FAM83H: variants seen among roughly 807,000 people sequenced by gnomAD.
FAM83H encodes the protein scaffolding CK1 anchoring protein H.
A neutral mutation model predicts 30.2 loss-of-function variants in FAM83H; 24 were observed. That is an observed-to-expected ratio of 0.79 (90% CI 0.57 to 1.12). The LOEUF is 1.12. Ranked by LOEUF, FAM83H falls within the 50% of genes most tolerant of loss-of-function variation. The probability of loss-of-function intolerance (pLI) is 0.00; values close to 1 mark genes in which losing one functional copy is unlikely to be tolerated. For synonymous variants in FAM83H, 1,013 were observed against 821.7 expected (o/e 1.23, Z -3.98); for missense variants, 2,038 against 1,773.9 (o/e 1.15, Z -2.67).
At position 143,726,373 on chromosome 8, in the gene FAM83H, C is replaced by T. The variant is rs1818292576; in HGVS notation, c.3088G>A (p.Ala1030Thr). The change falls in exon 5 of 5, where the codon GCC (alanine) becomes ACC (threonine). Residue 1030 changes from alanine (A) to threonine (T), a missense_variant. Ala to Thr is a moderately conservative substitution (Grantham distance 58, BLOSUM62 0). Coordinates refer to ENST00000388913, the MANE Select transcript of FAM83H (RefSeq NM_198488.5). ...RARLSSATAN[A>T]LYSSNLRDDT... ...TCCCGAAGGTTGCTGCTGTACAAGG[C>T]GTTGGCCGTGGCTGAGGACAGGCGC... is the stretch of plus-strand genomic sequence containing the variant. The T allele has an allele frequency of 1.2e-6, 2 of 1,610,790 alleles. No homozygotes were observed. The highest frequency in any genetic ancestry group is 1.1e-5 in the South Asian group (1 of 90,820).
chr8:143,730,490 C>T lies in FAM83H; in HGVS notation c.93G>A (p.Ala31=), dbSNP rs367753294. 79 of 1,607,150 alleles carry T rather than the reference C, an allele frequency of 4.9e-5. No homozygotes were observed. Among genetic ancestry groups the T allele is most frequent in the African/African-American group, 1.9e-4 (14 of 74,998 alleles). The change falls in exon 2 of 5, where the codon GCG becomes GCA. Residue 31 remains alanine, a synonymous_variant. Coordinates refer to ENST00000388913, the MANE Select transcript of FAM83H (RefSeq NM_198488.5). ...PPHYKEYYRL[A]VDALAEGGSE... ...AGCCACCCTCGGCCAGTGCATCCAC[C>T]GCCAGGCGGTAGTACTCTTTGTAGT...
At position 143,727,279 on chromosome 8, in the gene FAM83H, AGC is replaced by A; in HGVS notation, c.2180_2181del (p.Arg727LeufsTer20). 1 of 1,535,894 alleles carries A rather than the reference AGC, an allele frequency of 6.5e-7. No homozygotes were observed. Among genetic ancestry groups the A allele is most frequent in the Non-Finnish European group, 8.7e-7 (1 of 1,146,862 alleles). On this transcript the variant is annotated frameshift_variant, in exon 5 of 5. Transcript: ENST00000388913. LOFTEE classifies it low-confidence loss of function (END_TRUNC). ...TCCGCCACCTTGGTGGAAGCCGCGG[AGC>A]GCACGGCCTCTCCGCCGGGCCCCAG... ...ETLGPGGEAVRSAASTKVAEL... is the reference protein window; with the variant it reads ...ETLGPGGEAVXSAASTKVAEL...
chr8:143,726,038 C>T lies in FAM83H; in HGVS notation c.3423G>A (p.Lys1141=), dbSNP rs1554621528. The T allele has an allele frequency of 6.2e-7, 1 of 1,612,754 alleles. No homozygotes were observed. Among genetic ancestry groups the T allele is most frequent in the Admixed American group, 1.7e-5 (1 of 59,992 alleles). The change falls in exon 5 of 5, where the codon AAG becomes AAA. Residue 1141 remains lysine (K), a synonymous_variant. Transcript: ENST00000388913. The stretch of plus-strand genomic sequence containing the variant: ...CCCCAGGGCTGCTGGCCTCCTCTTT[C>T]TTGCAGAAGACCTCGAAGCGGCTGT... ...RVYSRFEVFC[K]KEEASSPGAG...
chr8:143,725,621 G>A lies in FAM83H; in HGVS notation c.*300C>T, dbSNP rs1034545157. On this transcript the variant is annotated 3_prime_UTR_variant, in exon 5 of 5. Transcript: ENST00000388913. ...GGGGGGGACTGAGGCACAAAGAGAT[G>A]GCGGAGCCAGACGCTGCGCCACGCA... 1.1e-5 allele frequency: 6 copies of A among 544,228 alleles called. No individual in the cohort carries two copies. The highest frequency in any genetic ancestry group is 1.6e-5 in the Non-Finnish European group (5 of 303,914). The allele number at this position is 544,228 out of a possible 1,614,324, so 33.7% of individuals were successfully genotyped here.
chr8:143,728,920 C>G, intron 4 of FAM83H, 47 bp downstream of exon 4: 1 of 1,612,492 alleles, frequency 6.2e-7, no homozygotes, highest in Non-Finnish European at 8.5e-7. Flanking sequence ...GCTGGGGTTA[C>G]AGGAGGAGGC....
chr8:143,727,940 C>T lies in FAM83H; in HGVS notation c.1521G>A (p.Arg507=), dbSNP rs1554622985. Residue 507 remains arginine (R), a synonymous_variant, in exon 5 of 5, where the codon CGG becomes CGA. Transcript: ENST00000388913. The stretch of plus-strand genomic sequence containing the variant: ...ACGCGCTGGACGGCACGTAGTCCAG[C>T]CGCTGGTGCCCGTCGGGTCCGAGCT... The part of the protein sequence containing the change: ...FPELGPDGHQ[R]LDYVPSSASR... The T allele has an allele frequency of 3.2e-6, 5 of 1,544,264 alleles. No individual in the cohort carries two copies. Among genetic ancestry groups the T allele is most frequent in the Non-Finnish European group, 4.3e-6 (5 of 1,152,128 alleles).
At chr8:143,730,806 C>G (rs1243837251) in intron 1 of FAM83H, among the ~76,000 whole-genome samples, 5 of 152,160 alleles carry the variant, frequency 3.3e-5, no homozygotes, top group African/African-American at 1.2e-4. Flanking sequence ...GGGACACTGG[C>G]AGAGGGCTGG....
At chr8:143,732,684 T>A (rs944823853) in intron 1 of FAM83H, 1 of 985,208 alleles carries the variant, frequency 1.0e-6, no homozygotes, top group Admixed American at 6.2e-5. Context: ...ATTCCTCACG[T>A]CGTCTCCTTT....
In FAM83H at chr8:143,724,664, G is replaced by C. The variant is rs1467087935; in HGVS notation, c.*1257C>G. On this transcript the variant is annotated 3_prime_UTR_variant, in exon 5 of 5. Transcript: ENST00000388913. Reference sequence around the variant, plus strand: ...GCAGGGGTGCCCAGGACCTAGTTGGGCTCGGCCTCAGCTGCACCTTGTCCC... The same window carrying C: ...GCAGGGGTGCCCAGGACCTAGTTGGCCTCGGCCTCAGCTGCACCTTGTCCC... 2.0e-5 allele frequency: 3 copies of C among 152,300 alleles called. No homozygotes were observed. Among genetic ancestry groups the C allele is most frequent in the African/African-American group, 7.2e-5 (3 of 41,436 alleles). 9.4% of individuals were successfully genotyped at this position (152,300 alleles called of 1,614,324 possible). A position where few individuals can be genotyped will look rare whatever the true frequency, so the allele number is the denominator to read the frequency against.
In FAM83H at chr8:143,728,286, C is replaced by T. The variant is rs782648008; in HGVS notation, c.1175G>A (p.Gly392Asp). 308 of 1,506,030 alleles carry T rather than the reference C, an allele frequency of 2.0e-4. No individual in the cohort carries two copies. The highest frequency in any genetic ancestry group is 2.3e-4 in the Middle Eastern group (1 of 4,398). The allele number at this position is 1,506,030 out of a possible 1,614,324, so 93.3% of individuals were successfully genotyped here. ...AEAGPAGELA[G>D]ARGFFQARHL... ...CCGCGCCTGGAAGAAGCCCCGCGCG[C>T]CCGCGAGCTCCCCAGCCGGCCCGGC... The change falls in exon 5 of 5, where the codon GGC (glycine) becomes GAC (aspartate). Residue 392 changes from glycine to aspartate, a missense_variant. By Grantham distance (94) the Gly-to-Asp change is moderately conservative. Transcript: ENST00000388913.
rs1255866188 is a variant in FAM83H at position 143,733,469 on chromosome 8, G to A, written c.-16+222C>T. Among the ~76,000 whole-genome samples the A allele has an allele frequency of 7.2e-5, 11 of 152,098 alleles. No individual in the cohort carries two copies. Among genetic ancestry groups the A allele is most frequent in the Non-Finnish European group, 1.6e-4 (11 of 67,976 alleles). On this transcript the variant is annotated intron_variant, in intron 1 of 4. Transcript: ENST00000388913. This position sits in a 1 kb window ranked among gnomAD's most constrained non-coding sequence, Gnocchi z 5.6. ...GCTCTTTTCGGGCCGGCGTCGTGCG[G>A]GGGCGCTCGCGTCCATATCCGCACA... is the stretch of plus-strand genomic sequence containing the variant.
At position 143,728,728 on chromosome 8, in the gene FAM83H, G is replaced by A; in HGVS notation, c.738-5C>T. 1 of 1,598,462 alleles carries A rather than the reference G, an allele frequency of 6.3e-7. No individual in the cohort carries two copies. The highest frequency in any genetic ancestry group is 8.5e-7 in the Non-Finnish European group (1 of 1,179,760). On this transcript the variant is annotated splice_region_variant and splice_polypyrimidine_tract_variant and intron_variant, in intron 4 of 4. Coordinates refer to ENST00000388913, the MANE Select transcript of FAM83H (RefSeq NM_198488.5). ...TTCTCAAAGGACCACATGAAGCTGT[G>A]GGGGGGTCAGGGCCAGAGTCAAACC...
At position 143,730,237 on chromosome 8, in the gene FAM83H, C is replaced by G. The variant is rs200676208; in HGVS notation, c.346G>C (p.Gly116Arg). The change falls in exon 2 of 5, where the codon GGC (glycine) becomes CGC (arginine). Residue 116 changes from glycine to arginine, a missense_variant. Coordinates refer to ENST00000388913, the MANE Select transcript of FAM83H (RefSeq NM_198488.5). ...ELDLGWPLTF[G>R]FQGTEVTTLV... ...GTGGTCACCTCGGTGCCCTGGAAGC[C>G]GAAGGTCAGAGGCCAGCCCAAATCA... is the stretch of plus-strand genomic sequence containing the variant. 3.1e-4 allele frequency: 506 copies of G among 1,613,422 alleles called. 6 individuals carry two copies. In the South Asian group the frequency reaches 5.2e-3, roughly 17 times the overall value.
chr8:143,727,822 G>A lies in FAM83H; in HGVS notation c.1639C>T (p.Arg547Cys), dbSNP rs782349627. ...CTCGCCGCGGCCTGGCATGGGAAGC[G>A]CTGGGTCAGGTTGGGGCGCGGGGCT... ...SGAPRPNLTQ[R>C]FPCQAAARPG... Residue 547 changes from arginine to cysteine, a missense_variant, in exon 5 of 5, where the codon CGC (arginine) becomes TGC (cysteine). Transcript: ENST00000388913. 5.3e-5 allele frequency: 71 copies of A among 1,328,846 alleles called. No homozygotes were observed. The highest frequency in any genetic ancestry group is 2.8e-4 in the Middle Eastern group (1 of 3,550). 82.3% of individuals were successfully genotyped at this position (1,328,846 alleles called of 1,614,324 possible). A position where few individuals can be genotyped will look rare whatever the true frequency, so the allele number is the denominator to read the frequency against.
In FAM83H at chr8:143,727,580, G is replaced by C; in HGVS notation, c.1881C>G (p.Pro627=). The change falls in exon 5 of 5, where the codon CCC becomes CCG. Residue 627 remains proline, a synonymous_variant. Coordinates refer to ENST00000388913, the MANE Select transcript of FAM83H (RefSeq NM_198488.5). ...AGGCTGCTGGGACGCGGAAGGCCGA[G>C]GGGAGCAGGTCGCCGGCAGGTGCCC... is the stretch of plus-strand genomic sequence containing the variant. ...GGRAPAGDLL[P]SAFRVPAAFP... is the part of the protein sequence containing the mutation. 6.3e-7 allele frequency: 1 copy of C among 1,586,922 alleles called. No individual in the cohort carries two copies. The highest frequency in any genetic ancestry group is 8.5e-7 in the Non-Finnish European group (1 of 1,173,526).
rs1314060007 is a variant in FAM83H at position 143,733,435 on chromosome 8, T to A, written c.-16+256A>T. Among the ~76,000 whole-genome samples the A allele has an allele frequency of 3.9e-5, 6 of 151,944 alleles. No individual in the cohort carries two copies. The highest frequency in any genetic ancestry group is 3.3e-4 in the Admixed American group (5 of 15,276). On this transcript the variant is annotated intron_variant, in intron 1 of 4. Transcript: ENST00000388913. This position sits in a 1 kb window ranked among gnomAD's most constrained non-coding sequence, Gnocchi z 5.6. ...GGCTCGACCCGGATCCCGGGCCCCT[T>A]CCCCCTCGGCTCTTTTCGGGCCGGC...
In FAM83H at chr8:143,729,186, C is replaced by T; in HGVS notation, c.585G>A (p.Lys195=). The part of the protein sequence containing the change: ...NAQHFLDMAD[K]CRVNLQHVDF... Reference sequence around the variant, plus strand: ...CCACGTGCTGCAGGTTGACACGGCACTTGTCGGCCATGTCCAGGAAGTGCT... The same window carrying T: ...CCACGTGCTGCAGGTTGACACGGCATTTGTCGGCCATGTCCAGGAAGTGCT... Residue 195 remains lysine, a synonymous_variant, in exon 3 of 5, where the codon AAG becomes AAA. Transcript: ENST00000388913. 1 of 1,613,752 alleles carries T rather than the reference C, an allele frequency of 6.2e-7. No individual in the cohort carries two copies. Among genetic ancestry groups the T allele is most frequent in the Non-Finnish European group, 8.5e-7 (1 of 1,180,028 alleles).
Position 143,728,422 on chromosome 8 carries a change from CCGGGTCGAG to C in FAM83H, c.1030_1038del (p.Leu344_Pro346del). The C allele has an allele frequency of 1.9e-6, 3 of 1,548,542 alleles. No individual in the cohort carries two copies. Among genetic ancestry groups the C allele is most frequent in the Non-Finnish European group, 2.6e-6 (3 of 1,145,720 alleles). ...CGGAAGGCCGACAGGAAGTGGCGGT[CCGGGTCGAG>C]GAAGGAGGGGAAGCCCAGGCCCTCT... is the stretch of plus-strand genomic sequence containing the variant. On this transcript the variant is annotated inframe_deletion, in exon 5 of 5. Coordinates refer to ENST00000388913, the MANE Select transcript of FAM83H (RefSeq NM_198488.5).
At chr8:143,732,115 G>A in intron 1 of FAM83H, 1 of 985,408 alleles carries the variant, frequency 1.0e-6, no homozygotes, top group African/African-American at 1.7e-5. Context: ...ATGGGTGCTA[G>A]CCGGAGCCAC....
Sources: allele counts gnomAD v4.1 joint callset (sites outside exome capture counted in the v4.1 genomes callset), GRCh38; gene constraint gnomAD v4.1.1; non-coding constraint Gnocchi (gnomAD v3.1); transcripts MANE v1.5; gene names NCBI Gene and HGNC (gene_info 2026-07-23, HGNC 2026-07-21).